Variants in KIF6 observed in about 807,000 individuals in gnomAD.
KIF6 encodes kinesin family member 6, also known as kinesin-like protein KIF6.
Under a neutral mutation model 112.7 loss-of-function variants are expected in KIF6, and 106 were observed. That is an observed-to-expected ratio of 0.94 (90% confidence interval 0.80 to 1.11). The LOEUF (loss-of-function observed/expected upper bound fraction) is 1.11, where lower values mean the gene tolerates loss of function less well. Among genes scored for constraint, KIF6 ranks in the 50% least tolerant of loss-of-function variants. KIF6 has a pLI of 0.00. For synonymous variants in KIF6, 339 were observed against 339.9 expected (o/e 1.00, Z 0.03); for missense variants, 929 against 964.0 (o/e 0.96, Z 0.48).
chr6:39,615,495 C>T (rs1380842030), intron 5 of KIF6, among the ~76,000 whole-genome samples: 1 of 151,600 alleles, frequency 6.6e-6, no homozygotes, highest in Non-Finnish European at 1.5e-5. Context: ...CCCACCCACC[C>T]CACTCTCCCC....
chr6:39,634,408 G>C (rs2150757521), intron 5 of KIF6, among the ~76,000 whole-genome samples: 1 of 152,246 alleles, frequency 6.6e-6, no homozygotes, highest in East Asian at 1.9e-4. Flanking sequence ...TAGTAGAGAA[G>C]CATTTGAGGA....
At chr6:39,452,708 A>G (rs2150409916) in intron 13 of KIF6, among the ~76,000 whole-genome samples, 1 of 152,354 alleles carries the variant, frequency 6.6e-6, no homozygotes, top group East Asian at 1.9e-4. Flanking sequence ...GATGTGAAAA[A>G]GGAGAGCAAA....
chr6:39,725,149 AG>A, intron 1 of KIF6, 95 bp downstream of exon 1: 1 of 1,033,024 alleles, frequency 9.7e-7, no homozygotes, highest in Non-Finnish European at 1.4e-6. Context: ...CCCACCAGCA[AG>A]CCCCTCACCT....
rs769389283 is a variant in KIF6 at position 39,691,641 on chromosome 6, CTATT to C, written c.251+23047_251+23050del. On this transcript the variant is annotated intron_variant, in intron 3 of 22. Coordinates refer to ENST00000287152, the MANE Select transcript of KIF6 (RefSeq NM_145027.6). ...ATTCCATTAATAAAAAGCAAAATGACTATTTAAGTTTTTATGAGAAAAACATGTT... is the reference window on the plus strand; with the variant it reads ...ATTCCATTAATAAAAAGCAAAATGACTAAGTTTTTATGAGAAAAACATGTT... 19 of 152,116 alleles carry C rather than the reference CTATT, an allele frequency of 1.2e-4. No homozygotes were observed. The East Asian group carries it at 3.1e-3, about 25-fold the overall frequency. The allele number at this position is 152,116 out of a possible 1,614,324, so 9.4% of individuals were successfully genotyped here.
At chr6:39,417,245 G>C (rs1490935727) in intron 15 of KIF6, among the ~76,000 whole-genome samples, 1 of 152,170 alleles carries the variant, frequency 6.6e-6, no homozygotes, top group African/African-American at 2.4e-5. Flanking sequence ...GCACCGTGAG[G>C]GGGTATTCAG....
intron 22 of KIF6, among the ~76,000 whole-genome samples, chr6:39,337,241 C>CTTTCTTTCTTTCTTTT (rs1763076469): frequency 1.5e-5 from 1 of 66,654 alleles, no homozygotes. Context: ...CTTTCTTTTT[C>CTTTCTTTCTTTCTTTT]TTTCTTTTCT....
intron 1 of KIF6, among the ~76,000 whole-genome samples, chr6:39,722,342 C>G (rs1355550354): frequency 6.6e-5 from 10 of 152,114 alleles, no homozygotes; most frequent in Admixed American, 6.5e-4. Context: ...AAGAAAAGTC[C>G]CTTAGAACCA....
intron 17 of KIF6, among the ~76,000 whole-genome samples, chr6:39,361,783 C>G (rs963949040): frequency 3.6e-5 from 5 of 137,044 alleles, no homozygotes; most frequent in South Asian, 2.3e-4. Context: ...CGTCGGGGGG[C>G]AGGGGCGGTG....
At chr6:39,590,577 G>A (rs944385837) in intron 7 of KIF6, among the ~76,000 whole-genome samples, 9 of 150,844 alleles carry the variant, frequency 6.0e-5, no homozygotes, top group Admixed American at 1.3e-4. Context: ...TCAGCCTCCC[G>A]AGTAGCTGGG....
intron 10 of KIF6, among the ~76,000 whole-genome samples, chr6:39,547,973 T>C (rs1779154699): frequency 6.6e-6 from 1 of 152,220 alleles, no homozygotes. Flanking sequence ...GCTACTTGTA[T>C]TTTCCCTGAA....
rs1781748067 is a variant in KIF6 at position 39,588,342 on chromosome 6, T to C, written c.847-1938A>G. Among the ~76,000 whole-genome samples, 4 of 152,142 alleles carry C rather than the reference T, an allele frequency of 2.6e-5. No homozygotes were observed. The South Asian group carries it at 6.3e-4, about 24-fold the overall frequency. On this transcript the variant is annotated intron_variant, in intron 7 of 22. Transcript: ENST00000287152. ...GAGCCTTGTGTCTCAGCCTCCGGAGTAGCTGGGATTACAGGCGTGCACCAC... is the reference window on the plus strand; with the variant it reads ...GAGCCTTGTGTCTCAGCCTCCGGAGCAGCTGGGATTACAGGCGTGCACCAC...
At chr6:39,478,817 G>T (rs529675029) in intron 13 of KIF6, among the ~76,000 whole-genome samples, 3 of 149,702 alleles carry the variant, frequency 2.0e-5, no homozygotes, top group African/African-American at 7.4e-5. Context: ...AGTTGGTATT[G>T]CATTGTGGTT....
intron 13 of KIF6, among the ~76,000 whole-genome samples, chr6:39,475,010 A>G (rs1037554159): frequency 1.3e-5 from 2 of 152,212 alleles, no homozygotes; most frequent in African/African-American, 4.8e-5. Context: ...TTTCTCTTGC[A>G]TTTCTCAATG....
intron 6 of KIF6, among the ~76,000 whole-genome samples, chr6:39,604,782 T>C (rs1361370784): frequency 6.6e-6 from 1 of 152,186 alleles, no homozygotes; most frequent in African/African-American, 2.4e-5. Flanking sequence ...GTATGTTTTA[T>C]TGTGTATCCC....
chr6:39,359,388 A>G (rs1464878988), intron 18 of KIF6, among the ~76,000 whole-genome samples: 6 of 152,256 alleles, frequency 3.9e-5, no homozygotes, highest in Non-Finnish European at 5.9e-5. Context: ...GCAAAAAATT[A>G]TCTGCAAATA....
intron 15 of KIF6, among the ~76,000 whole-genome samples, chr6:39,391,138 T>C (rs896386976): frequency 2.7e-4 from 41 of 152,208 alleles, no homozygotes; most frequent in African/African-American, 9.2e-4. Flanking sequence ...GAAAAGAGAC[T>C]ATCAGGAAGA....
intron 6 of KIF6, among the ~76,000 whole-genome samples, chr6:39,603,853 TA>T (rs1156379417): frequency 6.6e-6 from 1 of 152,160 alleles, no homozygotes; most frequent in Non-Finnish European, 1.5e-5. Flanking sequence ...TGCCATAACT[TA>T]TACCTTTTAT....
intron 3 of KIF6, among the ~76,000 whole-genome samples, chr6:39,703,090 T>A (rs1395140666): frequency 2.1e-5 from 1 of 47,670 alleles, no homozygotes; most frequent in Non-Finnish European, 3.9e-5. Context: ...CCACCCCCAC[T>A]CCCGGCCACC....
At chr6:39,549,005 G>A (rs143715408) in intron 10 of KIF6, among the ~76,000 whole-genome samples, 203 of 152,252 alleles carry the variant, frequency 1.3e-3, no homozygotes, top group African/African-American at 4.3e-3. Context: ...ACATGACTTC[G>A]CTGATGGTAG....
Sources: allele counts gnomAD v4.1 joint callset (sites outside exome capture counted in the v4.1 genomes callset), GRCh38; gene constraint gnomAD v4.1.1; transcripts MANE v1.5; gene names NCBI Gene and HGNC (gene_info 2026-07-23, HGNC 2026-07-21).